Variants in LONRF3 observed in about 807,000 individuals in gnomAD.
LONRF3 encodes LON peptidase N-terminal domain and RING finger protein 3.
Under a neutral mutation model 51.7 loss-of-function variants are expected in LONRF3, and 19 were observed. That is an observed-to-expected ratio of 0.37 (90% CI 0.26 to 0.54). The LOEUF is 0.54. Ranked by LOEUF, LONRF3 falls within the 20% of genes least tolerant of loss-of-function variation. The pLI, the probability that LONRF3 is intolerant of heterozygous loss-of-function variation, is 0.86. For synonymous variants in LONRF3, 265 were observed against 257.8 expected, an observed-to-expected ratio of 1.03 and a Z score of -0.27; for missense variants, 521 against 623.9, an observed-to-expected ratio of 0.84 and a Z score of 1.76.
intron 3 of LONRF3, among the ~76,000 whole-genome samples, chrX:118,988,585 GT>G (rs1200428172): frequency 9.1e-6 from 1 of 109,742 alleles, no homozygotes; most frequent in African/African-American, 3.3e-5. Flanking sequence ...CTGTCTGCCA[GT>G]TTTTTTTTGG....
At chrX:118,995,341 A>AGTGC (rs1923792562) in intron 5 of LONRF3, among the ~76,000 whole-genome samples, 1 of 112,064 alleles carries the variant, frequency 8.9e-6, no homozygotes, top group African/African-American at 3.2e-5. Flanking sequence ...CAGCAAAGGC[A>AGTGC]GTGCTAAGAG....
chrX:118,990,675 C>T (rs1923358833), intron 5 of LONRF3, 115 bp downstream of exon 5: 8 of 544,061 alleles, frequency 1.5e-5, no homozygotes, highest in South Asian at 3.0e-5. Context: ...ATAGCTCTAA[C>T]GGAATGGAAA....
At chrX:118,989,708 G>T (rs1265219317) in intron 4 of LONRF3, 36 bp downstream of exon 4, 4 of 1,178,370 alleles carry the variant, frequency 3.4e-6, no homozygotes, top group Non-Finnish European at 4.6e-6. Flanking sequence ...TAGCTTGGAG[G>T]AGATCCCCGG....
chrX:119,009,069 T>C lies in LONRF3; in HGVS notation c.1531-57T>C, dbSNP rs1262186730. 14 of 1,052,734 alleles carry C rather than the reference T, an allele frequency of 1.3e-5. No homozygotes were observed. In the East Asian group the frequency reaches 4.0e-4, roughly 30 times the overall value. 86.8% of individuals were successfully genotyped at this position (1,052,734 alleles called of 1,213,427 possible). A position where few individuals can be genotyped will look rare whatever the true frequency, so the allele number is the denominator to read the frequency against. On this transcript the variant is annotated intron_variant, in intron 6 of 10. Coordinates refer to ENST00000371628, the MANE Select transcript of LONRF3 (RefSeq NM_001031855.3). ...TTCACTGATTACATCAGAAGTGTTT[T>C]GCTGATTGCTACGTATTACCTAATT...
At position 119,009,873 on chromosome X, in the gene LONRF3, G is replaced by A. The variant is rs527626565; in HGVS notation, c.1652+626G>A. ...CAACCTCCGCCTTCCGGGTTCAAGC[G>A]ATTCTCCTGCCTCAGCCACCCGAGT... On this transcript the variant is annotated intron_variant, in intron 7 of 10. Coordinates refer to ENST00000371628, the MANE Select transcript of LONRF3 (RefSeq NM_001031855.3). Among the ~76,000 whole-genome samples the A allele has an allele frequency of 6.3e-5, 7 of 111,101 alleles. No homozygotes were observed. The South Asian group carries it at 2.7e-3, about 44-fold the overall frequency.
Position 119,009,254 on chromosome X carries a change from A to G in LONRF3, c.1652+7A>G. On this transcript the variant is annotated splice_region_variant and intron_variant, in intron 7 of 10. Coordinates refer to ENST00000371628, the MANE Select transcript of LONRF3 (RefSeq NM_001031855.3). ...AAATGGAAGAACTTTCTAAGTATGT[A>G]TATGCATATTTCTGTTTTGTTTCAC... 2 of 1,199,647 alleles carry G rather than the reference A, an allele frequency of 1.7e-6. No individual in the cohort carries two copies. The highest frequency in any genetic ancestry group is 2.3e-6 in the Non-Finnish European group (2 of 888,232).
chrX:118,974,833 G>A lies in LONRF3; in HGVS notation c.53G>A (p.Ser18Asn). The change falls in exon 1 of 11, where the codon AGC (serine) becomes AAC (asparagine). Residue 18 changes from serine to asparagine, a missense_variant. By Grantham distance (46) the Ser-to-Asn change is conservative. Coordinates refer to ENST00000371628, the MANE Select transcript of LONRF3 (RefSeq NM_001031855.3). ...QMLSLPAEVSSDNLESAERGA... is the reference protein window; with the variant it reads ...QMLSLPAEVSNDNLESAERGA... ...CTGAGCTTGCCCGCTGAGGTCAGCAGCGACAACTTGGAGTCGGCGGAGCGA... is the reference window on the plus strand; with the variant it reads ...CTGAGCTTGCCCGCTGAGGTCAGCAACGACAACTTGGAGTCGGCGGAGCGA... 1 of 1,209,040 alleles carries A rather than the reference G, an allele frequency of 8.3e-7. No individual in the cohort carries two copies. Among genetic ancestry groups the A allele is most frequent in the Non-Finnish European group, 1.1e-6 (1 of 894,665 alleles).
At chrX:118,993,858 G>A (rs1443400381) in intron 5 of LONRF3, among the ~76,000 whole-genome samples, 1 of 112,065 alleles carries the variant, frequency 8.9e-6, no homozygotes, top group Non-Finnish European at 1.9e-5. Context: ...AGAAGGGACT[G>A]GGGACCTATC....
At chrX:118,982,476 G>T (rs1429038992) in intron 2 of LONRF3, among the ~76,000 whole-genome samples, 3 of 111,504 alleles carry the variant, frequency 2.7e-5, no homozygotes, top group Non-Finnish European at 5.6e-5. Context: ...GTCAAATGGG[G>T]GTTCTTGCTA....
At chrX:118,984,232 G>A (rs1458947044) in intron 3 of LONRF3, among the ~76,000 whole-genome samples, 3 of 111,997 alleles carry the variant, frequency 2.7e-5, no homozygotes, top group Non-Finnish European at 5.6e-5. Flanking sequence ...TGGTGGGAAA[G>A]TATTCAAACC....
At chrX:119,003,980 CGT>C (rs59700507) in intron 5 of LONRF3, among the ~76,000 whole-genome samples, 2 of 110,756 alleles carry the variant, frequency 1.8e-5, no homozygotes, top group African/African-American at 3.3e-5. Context: ...TGTGTGTGCA[CGT>C]GTGTGTGTAT....
At position 119,009,112 on chromosome X, in the gene LONRF3, C is replaced by T. The variant is rs1924924444; in HGVS notation, c.1531-14C>T. The T allele has an allele frequency of 8.3e-7, 1 of 1,199,213 alleles. No homozygotes were observed. The highest frequency in any genetic ancestry group is 3.0e-5 in the East Asian group (1 of 33,674). ...ACCTAATTGCATATTGTCTAATTGC[C>T]TCCCCCCATGTAGTGCTTGGCATCA... On this transcript the variant is annotated splice_polypyrimidine_tract_variant and intron_variant, in intron 6 of 10. Coordinates refer to ENST00000371628, the MANE Select transcript of LONRF3 (RefSeq NM_001031855.3).
intron 3 of LONRF3, among the ~76,000 whole-genome samples, chrX:118,987,451 T>TTTG (rs1556412404): frequency 2.4e-5 from 2 of 82,297 alleles, no homozygotes; most frequent in Non-Finnish European, 4.7e-5. Context: ...CTAAGTTTTT[T>TTTG]TTTTTTTTTT....
Position 119,016,214 on chromosome X carries a change from C to T in LONRF3, c.2125-1321C>T, listed in dbSNP as rs768744365. Among the ~76,000 whole-genome samples the T allele has an allele frequency of 2.7e-5, 3 of 111,705 alleles. No individual in the cohort carries two copies. The Admixed American group carries it at 2.9e-4, about 11-fold the overall frequency. On this transcript the variant is annotated intron_variant, in intron 10 of 10. Coordinates refer to ENST00000371628, the MANE Select transcript of LONRF3 (RefSeq NM_001031855.3). ...TTGTGGGCAGAAAGCTCGTTTTAGGCTTAGAAGGAAATAAGTACCCAATGT... is the reference window on the plus strand; with the variant it reads ...TTGTGGGCAGAAAGCTCGTTTTAGGTTTAGAAGGAAATAAGTACCCAATGT...
chrX:118,994,506 G>A (rs186626731), intron 5 of LONRF3, among the ~76,000 whole-genome samples: 62 of 110,447 alleles, frequency 5.6e-4, no homozygotes, highest in African/African-American at 1.4e-3. Flanking sequence ...GGGTTCAAGC[G>A]ATTCTCCTGC....
In LONRF3 at chrX:118,975,451, G is replaced by C; in HGVS notation, c.671G>C (p.Arg224Pro). Reference sequence around the variant, plus strand: ...GGGCAGCAGCCGCCGCCGCCGCTGCGAGTCAACGTGGTGCTCAGCGGCCTC... The same window carrying C: ...GGGCAGCAGCCGCCGCCGCCGCTGCCAGTCAACGTGGTGCTCAGCGGCCTC... ...RAGQQPPPPLRVNVVLSGLLG... is the reference protein window; with the variant it reads ...RAGQQPPPPLPVNVVLSGLLG... The change falls in exon 1 of 11, where the codon CGA (arginine) becomes CCA (proline). Residue 224 changes from arginine (R) to proline (P), a missense_variant. Physicochemically the swap from Arg to Pro is moderately radical, Grantham distance 103. This residue lies in a region of LONRF3 where 376 missense variants were observed against 376.7 expected (regional missense o/e 1.00). Coordinates refer to ENST00000371628, the MANE Select transcript of LONRF3 (RefSeq NM_001031855.3). 2 of 1,191,111 alleles carry C rather than the reference G, an allele frequency of 1.7e-6. No individual in the cohort carries two copies. The highest frequency in any genetic ancestry group is 2.3e-6 in the Non-Finnish European group (2 of 885,808).
At chrX:118,998,491 T>C (rs910464485) in intron 5 of LONRF3, among the ~76,000 whole-genome samples, 1 of 110,608 alleles carries the variant, frequency 9.0e-6, no homozygotes, top group African/African-American at 3.3e-5. Flanking sequence ...AATAAAAGAC[T>C]ACAAATACGG....
At chrX:119,005,904 G>A (rs1924672194) in intron 5 of LONRF3, among the ~76,000 whole-genome samples, 3 of 111,806 alleles carry the variant, frequency 2.7e-5, no homozygotes, top group African/African-American at 9.8e-5. Flanking sequence ...GTTACAAAAT[G>A]ATCTAGCTAT....
At position 118,975,069 on chromosome X, in the gene LONRF3, CAGCAGCTGGTGGCTGAGCAGCTGG is replaced by C; in HGVS notation, c.301_324del (p.Ala101_Val108del). The C allele has an allele frequency of 1.7e-6, 2 of 1,174,518 alleles. No homozygotes were observed. Among genetic ancestry groups the C allele is most frequent in the Non-Finnish European group, 2.3e-6 (2 of 877,196 alleles). ...GGTGTATAGACAGCTCTCCGAGCGG[CAGCAGCTGGTGGCTGAGCAGCTGG>C]AGCAGCTGGTGCGCTGCCTGGCGGA... On this transcript the variant is annotated inframe_deletion, in exon 1 of 11. Coordinates refer to ENST00000371628, the MANE Select transcript of LONRF3 (RefSeq NM_001031855.3).
Sources: allele counts gnomAD v4.1 joint callset (sites outside exome capture counted in the v4.1 genomes callset), GRCh38; gene constraint gnomAD v4.1.1; regional missense constraint gnomAD v4.1.1; transcripts MANE v1.5; gene names NCBI Gene and HGNC (gene_info 2026-07-23, HGNC 2026-07-21).